IL19: variants seen among roughly 807,000 people sequenced by gnomAD.
IL19 encodes interleukin 19, also known as interleukin-19.
In IL19, 15 loss-of-function variants were observed where a neutral mutation model predicts 19.5. The ratio of observed to expected loss-of-function variants is 0.77; its 90% CI spans 0.52 to 1.19. The LOEUF is 1.19. Ranked by LOEUF, IL19 falls within the 50% of genes most tolerant of loss-of-function variation. IL19 has a pLI of 0.00. For synonymous variants in IL19, 78 were observed against 78.3 expected, an observed-to-expected ratio of 1.00 and a Z score of 0.02; for missense variants, 199 against 213.1, an observed-to-expected ratio of 0.93 and a Z score of 0.41.
chr1:206,801,782 C>A (rs944586849), intron 2 of IL19, among the ~76,000 whole-genome samples: 2 of 152,172 alleles, frequency 1.3e-5, no homozygotes, highest in Non-Finnish European at 2.9e-5. Context: ...GGGGACTAGA[C>A]CTTAATCATC....
At chr1:206,792,315 C>T (rs1311938007) in intron 1 of IL19, among the ~76,000 whole-genome samples, 2 of 152,174 alleles carry the variant, frequency 1.3e-5, no homozygotes, top group Admixed American at 1.3e-4. Flanking sequence ...GCCTCATACC[C>T]CTCTGCCCCT....
At chr1:206,781,609 A>T (rs1018573756) in intron 1 of IL19, among the ~76,000 whole-genome samples, 10 of 151,188 alleles carry the variant, frequency 6.6e-5, no homozygotes, top group African/African-American at 2.4e-4. Flanking sequence ...ACACATGAAG[A>T]TGCAGTTGCT....
At chr1:206,799,717 C>T (rs1042235744) in intron 2 of IL19, among the ~76,000 whole-genome samples, 13 of 152,296 alleles carry the variant, frequency 8.5e-5, no homozygotes, top group Non-Finnish European at 1.5e-4. Flanking sequence ...GTCCACTTTC[C>T]AATCAGCTAT....
chr1:206,823,326 G>A (rs903122208), intron 2 of IL19, among the ~76,000 whole-genome samples: 11 of 151,958 alleles, frequency 7.2e-5, no homozygotes, highest in Non-Finnish European at 1.3e-4. Context: ...GGCTGAGGTG[G>A]GCGGATCACG....
In IL19 at chr1:206,836,899, A is replaced by G. The variant is rs1023000838; in HGVS notation, c.145-59A>G. 10 of 1,602,118 alleles carry G rather than the reference A, an allele frequency of 6.2e-6. No individual in the cohort carries two copies. The African/African-American group carries it at 6.7e-5, about 11-fold the overall frequency. ...TGAGTTCCTTCTCATTGCCTTTTGC[A>G]TCTCAGAAGAACATAGGATACCGAT... is the stretch of plus-strand genomic sequence containing the variant. On this transcript the variant is annotated intron_variant, in intron 3 of 6. Coordinates refer to ENST00000659997, the MANE Select transcript of IL19 (RefSeq NM_153758.5).
chr1:206,776,909 CAAAAAAAAAAAAA>C (rs1186364224), intron 1 of IL19, among the ~76,000 whole-genome samples: 1 of 50,452 alleles, frequency 2.0e-5, no homozygotes, highest in Non-Finnish European at 3.5e-5. Context: ...CTTGCAACTA[CAAAAAAAAAAAAA>C]AAAAAAAAAA....
chr1:206,775,281 T>C (rs1331121318), intron 1 of IL19, among the ~76,000 whole-genome samples: 3 of 152,126 alleles, frequency 2.0e-5, no homozygotes, highest in African/African-American at 7.2e-5. Context: ...CTCGATCTCC[T>C]GACCTTATGA....
At position 206,840,189 on chromosome 1, in the gene IL19, G is replaced by C. The variant is rs562106267; in HGVS notation, c.363+187G>C. ...ACTGCTTCCCCAGGGCTCCCTGCCT[G>C]CTGACAACTCCTCAGATGGTCTCCT... On this transcript the variant is annotated intron_variant, in intron 5 of 6. Coordinates refer to ENST00000659997, the MANE Select transcript of IL19 (RefSeq NM_153758.5). The C allele has an allele frequency of 1.1e-4, 81 of 729,462 alleles. No individual in the cohort carries two copies. In the South Asian group the frequency reaches 1.1e-3, roughly 10 times the overall value. The allele number at this position is 729,462 out of a possible 1,614,324, so 45.2% of individuals were successfully genotyped here. A position where few individuals can be genotyped will look rare whatever the true frequency, so the allele number is the denominator to read the frequency against.
intron 1 of IL19, among the ~76,000 whole-genome samples, chr1:206,789,465 C>T (rs1675341394): frequency 6.6e-6 from 1 of 152,148 alleles, no homozygotes; most frequent in African/African-American, 2.4e-5. Context: ...AGTTATATCA[C>T]CTAGAATAAT....
intron 1 of IL19, among the ~76,000 whole-genome samples, chr1:206,779,965 T>C (rs1297571606): frequency 6.6e-6 from 1 of 151,986 alleles, no homozygotes; most frequent in African/African-American, 2.4e-5. Flanking sequence ...TGGGCTTACA[T>C]TGCACCAGCC....
chr1:206,824,373 C>A (rs1316286426), intron 2 of IL19, among the ~76,000 whole-genome samples: 1 of 152,140 alleles, frequency 6.6e-6, no homozygotes, highest in Non-Finnish European at 1.5e-5. Flanking sequence ...GAAAAATGCC[C>A]TGGAGATCAT....
At chr1:206,808,702 G>C (rs1269680098) in intron 2 of IL19, among the ~76,000 whole-genome samples, 1 of 152,184 alleles carries the variant, frequency 6.6e-6, no homozygotes, top group African/African-American at 2.4e-5. Context: ...GTTGCCATGA[G>C]GACAAAGCAT....
intron 2 of IL19, among the ~76,000 whole-genome samples, chr1:206,832,997 C>A (rs1676662327): frequency 6.6e-6 from 1 of 152,222 alleles, no homozygotes; most frequent in Non-Finnish European, 1.5e-5. Context: ...AGGGTTTGTA[C>A]CAGCCCAGTG....
At chr1:206,783,517 A>G (rs1001489698) in intron 1 of IL19, among the ~76,000 whole-genome samples, 2 of 152,152 alleles carry the variant, frequency 1.3e-5, no homozygotes, top group African/African-American at 4.8e-5. Context: ...TTGGATATAA[A>G]TTGGTATCAG....
intron 2 of IL19, among the ~76,000 whole-genome samples, chr1:206,828,338 C>G (rs1421252042): frequency 6.6e-6 from 1 of 152,328 alleles, no homozygotes; most frequent in Middle Eastern, 3.4e-3. Flanking sequence ...TCTGCACATT[C>G]CAAGTTTAAT....
intron 1 of IL19, among the ~76,000 whole-genome samples, chr1:206,795,955 G>GTGTGTT (rs1469808404): frequency 6.6e-6 from 1 of 151,406 alleles, no homozygotes; most frequent in Non-Finnish European, 1.5e-5. Context: ...GTGTGTGTGT[G>GTGTGTT]TGTGTATGAT....
At chr1:206,782,788 C>G (rs1021289825) in intron 1 of IL19, among the ~76,000 whole-genome samples, 5 of 152,184 alleles carry the variant, frequency 3.3e-5, no homozygotes, top group Non-Finnish European at 5.9e-5. Flanking sequence ...TCAAGGGGCA[C>G]AGAGCTGTTG....
chr1:206,804,697 G>A (rs1675799623), intron 2 of IL19, among the ~76,000 whole-genome samples: 1 of 152,214 alleles, frequency 6.6e-6, no homozygotes, highest in South Asian at 2.1e-4. Context: ...AAGAGAGCAA[G>A]GCTTCAAGGA....
intron 1 of IL19, among the ~76,000 whole-genome samples, chr1:206,772,095 G>A (rs1314376656): frequency 1.3e-5 from 2 of 152,196 alleles, no homozygotes; most frequent in East Asian, 3.8e-4. Flanking sequence ...ATCTGGCTTA[G>A]CTTAACTCAC....
Sources: allele counts gnomAD v4.1 joint callset (sites outside exome capture counted in the v4.1 genomes callset), GRCh38; gene constraint gnomAD v4.1.1; transcripts MANE v1.5; gene names NCBI Gene and HGNC (gene_info 2026-07-23, HGNC 2026-07-21).